The following VPS8 variants were observed in gnomAD, a reference collection of about 807,000 sequenced individuals.
VPS8 encodes vacuolar protein sorting-associated protein 8 homolog.
Under a neutral mutation model 216.4 loss-of-function variants are expected in VPS8, and 129 were observed. The ratio of observed to expected loss-of-function variants is 0.60; its 90% CI spans 0.52 to 0.69. The LOEUF is 0.69. VPS8 is among the 30% of genes least tolerant of loss of function. VPS8 has a pLI of 0.00. For missense variants in VPS8, 1,531 were observed against 1,683.5 expected, an observed-to-expected ratio of 0.91 and a Z score of 1.59; for synonymous variants, 571 against 565.4, an observed-to-expected ratio of 1.01 and a Z score of -0.14.
intron 34 of VPS8, 144 bp downstream of exon 34, chr3:184,930,712 C>A: frequency 1.6e-6 from 1 of 616,326 alleles, no homozygotes; most frequent in Non-Finnish European, 2.9e-6. Flanking sequence ...TATTCTACCT[C>A]ATATTTGTAT....
chr3:185,028,086 A>G (rs908059292), intron 46 of VPS8, among the ~76,000 whole-genome samples: 1 of 152,192 alleles, frequency 6.6e-6, no homozygotes, highest in African/African-American at 2.4e-5. Context: ...TGAATAGCTG[A>G]AGAGCTTTTT....
At chr3:184,857,245 C>T (rs1232248334) in intron 14 of VPS8, among the ~76,000 whole-genome samples, 1 of 152,258 alleles carries the variant, frequency 6.6e-6, no homozygotes, top group Non-Finnish European at 1.5e-5. Flanking sequence ...GGGGTTGGCA[C>T]ACTATGGCCC....
intron 22 of VPS8, among the ~76,000 whole-genome samples, chr3:184,886,729 A>C (rs1374818562): frequency 6.6e-6 from 1 of 151,884 alleles, no homozygotes; most frequent in African/African-American, 2.4e-5. Flanking sequence ...ACAGGCATGC[A>C]CTGCCACACC....
chr3:184,824,680 C>T lies in VPS8; in HGVS notation c.48C>T (p.Ala16=), dbSNP rs1384901094. The change falls in exon 2 of 48, where the codon GCC becomes GCT. Residue 16 remains alanine, a synonymous_variant. Transcript: ENST00000625842. Reference sequence around the variant, plus strand: ...AAAATGTGGAACAGAGCCTCTGTGCCAAGACGAGCGAAGAAGAGCTGAATA... The same window carrying T: ...AAAATGTGGAACAGAGCCTCTGTGCTAAGACGAGCGAAGAAGAGCTGAATA... ...DHENVEQSLC[A]KTSEEELNKS... The T allele has an allele frequency of 6.2e-7, 1 of 1,613,750 alleles. No homozygotes were observed. The highest frequency in any genetic ancestry group is 1.3e-5 in the African/African-American group (1 of 74,878).
chr3:184,960,834 T>G (rs1234220540), intron 37 of VPS8, among the ~76,000 whole-genome samples: 2 of 152,174 alleles, frequency 1.3e-5, no homozygotes, highest in African/African-American at 4.8e-5. Context: ...AAGTCATAAT[T>G]AAAAGGGAGA....
intron 14 of VPS8, 37 bp downstream of exon 14, chr3:184,855,855 AT>A (rs780790666): frequency 2.8e-5 from 42 of 1,509,760 alleles, no homozygotes; most frequent in Admixed American, 8.0e-5. Flanking sequence ...GCCTCTTACA[AT>A]TTTTTTTATT....
At chr3:184,856,161 C>G (rs1725214028) in intron 14 of VPS8, among the ~76,000 whole-genome samples, 1 of 152,158 alleles carries the variant, frequency 6.6e-6, no homozygotes, top group African/African-American at 2.4e-5. Context: ...CTATTATGTC[C>G]TCTACACTGT....
At chr3:184,968,509 G>A (rs1442273136) in intron 39 of VPS8, among the ~76,000 whole-genome samples, 2 of 152,044 alleles carry the variant, frequency 1.3e-5, no homozygotes, top group Non-Finnish European at 2.9e-5. Flanking sequence ...AGTACACAAG[G>A]GTTCCAATTT....
rs5855048 is a variant in VPS8 at position 184,940,270 on chromosome 3, T to TTATATATATATATATATA, written c.3035+29_3035+46dup. On this transcript the variant is annotated intron_variant, in intron 36 of 47. Transcript: ENST00000625842. Reference sequence around the variant, plus strand: ...TATGTTGACAAACTTTAGTCTTTCATTATATATATATATATATATGAGAAA... The same window carrying TTATATATATATATATATA: ...TATGTTGACAAACTTTAGTCTTTCATTATATATATATATATATATATATATATATATATATATGAGAAA... 9.7e-5 allele frequency: 56 copies of TTATATATATATATATATA among 579,914 alleles called. No homozygotes were observed. In the Admixed American group the frequency reaches 9.9e-4, roughly 10 times the overall value. 35.9% of individuals were successfully genotyped at this position (579,914 alleles called of 1,614,324 possible).
chr3:184,875,017 T>G lies in VPS8; in HGVS notation c.1734+4212T>G, dbSNP rs191750604. On this transcript the variant is annotated intron_variant, in intron 21 of 47. Transcript: ENST00000625842. ...TCTCTTATTATGGAATGTATTCAGATAAAGGCAGGATGACCAACTGATGGA... is the reference window on the plus strand; with the variant it reads ...TCTCTTATTATGGAATGTATTCAGAGAAAGGCAGGATGACCAACTGATGGA... 6.7e-4 allele frequency among the ~76,000 whole-genome samples: 101 copies of G among 151,074 alleles called. 1 individual carries two copies. The highest frequency in any genetic ancestry group is 2.4e-3 in the African/African-American group (97 of 41,214).
At chr3:184,884,172 A>G (rs1437822008) in intron 21 of VPS8, among the ~76,000 whole-genome samples, 1 of 152,102 alleles carries the variant, frequency 6.6e-6, no homozygotes, top group African/African-American at 2.4e-5. Flanking sequence ...TGCTACACCC[A>G]TCAGCTCGTC....
At chr3:184,919,814 T>C (rs1211705761) in intron 28 of VPS8, among the ~76,000 whole-genome samples, 1 of 152,164 alleles carries the variant, frequency 6.6e-6, no homozygotes, top group African/African-American at 2.4e-5. Flanking sequence ...AAACCTTTGC[T>C]CCCAAATTAC....
intron 22 of VPS8, among the ~76,000 whole-genome samples, chr3:184,890,119 C>T (rs1403989779): frequency 6.6e-6 from 1 of 152,148 alleles, no homozygotes; most frequent in African/African-American, 2.4e-5. Flanking sequence ...GTAGCTTCAT[C>T]CCAGCATAGT....
rs1272116017 is a variant in VPS8, at chr3:184,947,291, T to C, written c.3035+7048T>C. 3.3e-5 allele frequency among the ~76,000 whole-genome samples: 5 copies of C among 152,328 alleles called. No individual in the cohort carries two copies. In the East Asian group the frequency reaches 9.7e-4, roughly 29 times the overall value. ...TTTTGGGGAGATGTATTTTGATTGTTCTGTGCCCCCTTTGAAACTTTCCTT... is the reference window on the plus strand; with the variant it reads ...TTTTGGGGAGATGTATTTTGATTGTCCTGTGCCCCCTTTGAAACTTTCCTT... On this transcript the variant is annotated intron_variant, in intron 36 of 47. Transcript: ENST00000625842.
At chr3:185,021,345 G>A (rs534880116) in intron 45 of VPS8, among the ~76,000 whole-genome samples, 2 of 152,058 alleles carry the variant, frequency 1.3e-5, no homozygotes, top group South Asian at 4.2e-4. Flanking sequence ...GAGGGATGCT[G>A]GACCACTTCC....
At chr3:184,839,858 A>T (rs1052363071) in intron 7 of VPS8, 106 bp downstream of exon 7, 13 of 1,450,626 alleles carry the variant, frequency 9.0e-6, no homozygotes, top group African/African-American at 1.5e-5. Flanking sequence ...TCTTGAACAA[A>T]ACCAGAAAAA....
At chr3:184,855,663 C>T in intron 13 of VPS8, 48 bp from the exon 14 acceptor site, 1 of 1,420,780 alleles carries the variant, frequency 7.0e-7, no homozygotes, top group Non-Finnish European at 9.9e-7. Flanking sequence ...CTCTTTGTCC[C>T]CTTGTTTATT....
At chr3:184,877,378 G>A (rs1027788122) in intron 21 of VPS8, among the ~76,000 whole-genome samples, 3 of 152,158 alleles carry the variant, frequency 2.0e-5, no homozygotes, top group African/African-American at 7.2e-5. Context: ...ATAAATAGTT[G>A]TTGAGAGAAT....
chr3:185,038,123 G>A lies in VPS8; in HGVS notation c.4057-10356G>A, dbSNP rs1410366464. Among the ~76,000 whole-genome samples, 4 of 152,158 alleles carry A rather than the reference G, an allele frequency of 2.6e-5. No homozygotes were observed. In the East Asian group the frequency reaches 7.7e-4, roughly 29 times the overall value. The stretch of plus-strand genomic sequence containing the variant: ...CCCCTACCCCCAGGGCTTGTTATTG[G>A]TGACTGGCTAGATGAATTTAGTAAA... On this transcript the variant is annotated intron_variant, in intron 46 of 47. Transcript: ENST00000625842.
Sources: allele counts gnomAD v4.1 joint callset (sites outside exome capture counted in the v4.1 genomes callset), GRCh38; gene constraint gnomAD v4.1.1; transcripts MANE v1.5; gene names NCBI Gene and HGNC (gene_info 2026-07-23, HGNC 2026-07-21).